FAM120B: variants seen among roughly 807,000 people sequenced by gnomAD.
The protein encoded by FAM120B is family with sequence similarity 120 member B.
A neutral mutation model predicts 96.3 loss-of-function variants in FAM120B; 83 were observed. The observed-to-expected ratio is 0.86, with a 90% CI of 0.72 to 1.03. The LOEUF (loss-of-function observed/expected upper bound fraction) is 1.03, where lower values mean the gene tolerates loss of function less well. FAM120B is among the 50% of genes least tolerant of loss of function. The probability of loss-of-function intolerance (pLI) is 0.00; values close to 1 mark genes in which losing one functional copy is unlikely to be tolerated. For missense variants in FAM120B, 1,027 were observed against 1,121.2 expected (o/e 0.92, Z 1.20); for synonymous variants, 407 against 402.7 (o/e 1.01, Z -0.13).
chr6:170,304,659 A>G (rs1784216476), upstream of FAM120B, among the ~76,000 whole-genome samples: 1 of 152,146 alleles, frequency 6.6e-6, no homozygotes, highest in South Asian at 2.1e-4. Context: ...AGGCCTCCCC[A>G]GTCCAGCTCT....
chr6:170,375,787 C>T (rs1013539234), intron 6 of FAM120B, among the ~76,000 whole-genome samples: 2 of 151,946 alleles, frequency 1.3e-5, no homozygotes, highest in Admixed American at 6.6e-5. Context: ...GATGCAGGGA[C>T]GAGGGATGGT....
chr6:170,299,211 G>A (rs772815955), intron 1 of FAM120B, among the ~76,000 whole-genome samples: 26 of 152,160 alleles, frequency 1.7e-4, no homozygotes, highest in Non-Finnish European at 3.4e-4. Context: ...GTTTTGTTTT[G>A]TTTACTTAAT....
chr6:170,304,522 T>A (rs948782999), upstream of FAM120B, among the ~76,000 whole-genome samples: 2 of 150,702 alleles, frequency 1.3e-5, no homozygotes, highest in African/African-American at 4.9e-5. Context: ...TCATTCCTAT[T>A]TTTCACATGT....
intron 8 of FAM120B, among the ~76,000 whole-genome samples, chr6:170,394,043 G>A (rs886288400): frequency 6.6e-6 from 1 of 152,348 alleles, no homozygotes; most frequent in Admixed American, 6.5e-5. Context: ...TGGAGACCAC[G>A]TGTGTAAGAT....
chr6:170,375,996 A>G (rs2115266731), intron 6 of FAM120B, among the ~76,000 whole-genome samples: 1 of 152,292 alleles, frequency 6.6e-6, no homozygotes, highest in South Asian at 2.1e-4. Context: ...AGGCCAGAGA[A>G]TTCAGTGAGG....
chr6:170,391,486 G>C (rs1790475608), intron 8 of FAM120B, among the ~76,000 whole-genome samples: 2 of 151,902 alleles, frequency 1.3e-5, no homozygotes, highest in South Asian at 4.2e-4. Context: ...AGTGAGCCAA[G>C]ATCACGTCAC....
rs1041927315 is a variant in FAM120B at position 170,404,957 on chromosome 6, G to T, written c.*206G>T. ...TTTTGTTGGCTTCTCTCCCGAGCTT[G>T]TGCCTGATTCTGTGGCCCAAAACAA... On this transcript the variant is annotated 3_prime_UTR_variant, in exon 11 of 11. Transcript: ENST00000476287. 1.7e-5 allele frequency: 4 copies of T among 237,224 alleles called. No homozygotes were observed. Among genetic ancestry groups the T allele is most frequent in the Non-Finnish European group, 2.4e-5 (3 of 123,378 alleles). 14.7% of individuals were successfully genotyped at this position (237,224 alleles called of 1,614,324 possible). A position where few individuals can be genotyped will look rare whatever the true frequency, so the allele number is the denominator to read the frequency against.
chr6:170,368,132 G>A (rs1788917485), intron 6 of FAM120B, among the ~76,000 whole-genome samples: 1 of 152,244 alleles, frequency 6.6e-6, no homozygotes, highest in Non-Finnish European at 1.5e-5. Context: ...TCAGAGCACA[G>A]TGGTACCTTA....
intron 6 of FAM120B, among the ~76,000 whole-genome samples, chr6:170,382,620 T>C (rs1420034209): frequency 6.6e-6 from 1 of 151,688 alleles, no homozygotes; most frequent in Non-Finnish European, 1.5e-5. Context: ...ATGCTAAAAA[T>C]TGCAAAATAC....
At chr6:170,335,948 C>T (rs374989702) in intron 4 of FAM120B, among the ~76,000 whole-genome samples, 107 of 152,150 alleles carry the variant, frequency 7.0e-4, no homozygotes, top group African/African-American at 2.4e-3. Flanking sequence ...TGGATATTAG[C>T]CCTTTGTCAG....
At chr6:170,293,778 C>G (rs1783937471), upstream of FAM120B, among the ~76,000 whole-genome samples, 1 of 150,396 alleles carries the variant, frequency 6.6e-6, no homozygotes, top group Admixed American at 6.6e-5. Flanking sequence ...CCCCCCACCC[C>G]CAAGTTGGTT....
At chr6:170,399,261 C>A (rs1318886428) in intron 9 of FAM120B, among the ~76,000 whole-genome samples, 2 of 145,220 alleles carry the variant, frequency 1.4e-5, no homozygotes, top group African/African-American at 2.7e-5. Context: ...AAAGGTAGAA[C>A]TATGTCATAA....
At chr6:170,308,956 T>C (rs1183842251) in intron 1 of FAM120B, among the ~76,000 whole-genome samples, 1 of 152,258 alleles carries the variant, frequency 6.6e-6, no homozygotes, top group African/African-American at 2.4e-5. Flanking sequence ...TCTTTGTAAC[T>C]TCTTTGTTGC....
At chr6:170,374,045 C>G (rs1396662762) in intron 6 of FAM120B, among the ~76,000 whole-genome samples, 2 of 152,164 alleles carry the variant, frequency 1.3e-5, no homozygotes, top group African/African-American at 4.8e-5. Context: ...GGATTTTTTA[C>G]CCTCACTTCT....
At chr6:170,366,991 A>G (rs1292386822) in intron 6 of FAM120B, among the ~76,000 whole-genome samples, 4 of 152,128 alleles carry the variant, frequency 2.6e-5, no homozygotes, top group Non-Finnish European at 4.4e-5. Context: ...CTGAGCCCAC[A>G]CTGCTTTGAT....
At chr6:170,325,887 T>C (rs913669260) in intron 3 of FAM120B, among the ~76,000 whole-genome samples, 24 of 151,742 alleles carry the variant, frequency 1.6e-4, no homozygotes, top group African/African-American at 5.8e-4. Context: ...TCTGGGGGTC[T>C]GTTAGATTGG....
Position 170,404,814 on chromosome 6 carries a change from G to T in FAM120B, c.*63G>T. On this transcript the variant is annotated 3_prime_UTR_variant, in exon 11 of 11. Transcript: ENST00000476287. ...CACCTGGACGCAGAGCCCTGCCAGC[G>T]CCCTCCTCTGCTGTTGCAGCTGCAA... 1 of 545,478 alleles carries T rather than the reference G, an allele frequency of 1.8e-6. No individual in the cohort carries two copies. Among genetic ancestry groups the T allele is most frequent in the South Asian group, 2.4e-5 (1 of 41,896 alleles). 33.8% of individuals were successfully genotyped at this position (545,478 alleles called of 1,614,324 possible).
At chr6:170,340,388 C>A (rs932062732) in intron 4 of FAM120B, among the ~76,000 whole-genome samples, 2 of 152,106 alleles carry the variant, frequency 1.3e-5, no homozygotes, top group African/African-American at 4.8e-5. Flanking sequence ...TTAGCAGTTC[C>A]TGTAAGTGTT....
At chr6:170,352,321 C>T (rs1053713879) in intron 5 of FAM120B, among the ~76,000 whole-genome samples, 1 of 152,182 alleles carries the variant, frequency 6.6e-6, no homozygotes, top group African/African-American at 2.4e-5. Context: ...GACTCCCACA[C>T]AATAATAGTG....
Sources: allele counts gnomAD v4.1 joint callset (sites outside exome capture counted in the v4.1 genomes callset), GRCh38; gene constraint gnomAD v4.1.1; transcripts MANE v1.5; gene names NCBI Gene and HGNC (gene_info 2026-07-23, HGNC 2026-07-21).